The following CTNNA3 variants were observed in gnomAD, a reference collection of about 807,000 sequenced individuals.
The protein encoded by CTNNA3 is catenin alpha 3, also known as catenin alpha-3.
CTNNA3 carries 76 observed loss-of-function variants against 95.7 expected under a neutral mutation model. That is an observed-to-expected ratio of 0.79 (90% CI 0.66 to 0.96). The LOEUF (loss-of-function observed/expected upper bound fraction) is 0.96. Ranked by LOEUF, CTNNA3 falls within the 40% of genes least tolerant of loss-of-function variation. CTNNA3 has a pLI of 0.00. For missense variants in CTNNA3, 1,191 were observed against 1,089.8 expected, an observed-to-expected ratio of 1.09 and a Z score of -1.31; for synonymous variants, 431 against 374.4, an observed-to-expected ratio of 1.15 and a Z score of -1.74.
intron 12 of CTNNA3, among the ~76,000 whole-genome samples, chr10:66,366,546 G>A (rs1210171973): frequency 3.9e-5 from 6 of 152,124 alleles, no homozygotes; most frequent in Admixed American, 2.0e-4. Context: ...GCTTGAGGAA[G>A]CTTGTTTGTC....
chr10:67,185,642 C>T (rs2132157197), intron 6 of CTNNA3, among the ~76,000 whole-genome samples: 1 of 152,198 alleles, frequency 6.6e-6, no homozygotes, highest in Non-Finnish European at 1.5e-5. Flanking sequence ...AGTCTTCCTC[C>T]TTATTTCATT....
At chr10:67,248,620 T>C (rs953921135) in intron 5 of CTNNA3, among the ~76,000 whole-genome samples, 2 of 151,852 alleles carry the variant, frequency 1.3e-5, no homozygotes, top group Admixed American at 1.3e-4. Context: ...AGAGACGGGG[T>C]TTCACCATGC....
intron 7 of CTNNA3, among the ~76,000 whole-genome samples, chr10:67,177,968 G>A (rs1862324185): frequency 6.6e-6 from 1 of 152,134 alleles, no homozygotes; most frequent in Non-Finnish European, 1.5e-5. Context: ...TTTTAGACAG[G>A]GGTCCCAGGC....
chr10:66,733,259 A>G (rs1038732883), intron 9 of CTNNA3, among the ~76,000 whole-genome samples: 1 of 152,078 alleles, frequency 6.6e-6, no homozygotes, highest in African/African-American at 2.4e-5. Context: ...TCATCTCTTT[A>G]ACTCTCTTGT....
chr10:67,099,275 T>A (rs1858194466), intron 7 of CTNNA3: 2 of 151,734 alleles, frequency 1.3e-5, no homozygotes, highest in Admixed American at 1.3e-4. Context: ...TTGACATAGG[T>A]TATTGTTTGA....
chr10:66,039,204 C>G (rs184098310), intron 15 of CTNNA3, among the ~76,000 whole-genome samples: 2 of 152,242 alleles, frequency 1.3e-5, no homozygotes, highest in African/African-American at 4.8e-5. Context: ...TGAAAGATAT[C>G]TACAAGGAGA....
At chr10:66,492,506 T>C (rs896446449) in intron 11 of CTNNA3, among the ~76,000 whole-genome samples, 3 of 151,702 alleles carry the variant, frequency 2.0e-5, no homozygotes, top group Admixed American at 6.6e-5. Context: ...CAGGTCACCA[T>C]CTTCTTTGCT....
At chr10:66,812,489 G>T (rs1459916940) in intron 7 of CTNNA3, among the ~76,000 whole-genome samples, 1 of 152,118 alleles carries the variant, frequency 6.6e-6, no homozygotes, top group Non-Finnish European at 1.5e-5. Flanking sequence ...GGCTTAGGCT[G>T]TATAAGTTTG....
At chr10:66,946,398 T>C (rs1264153676) in intron 7 of CTNNA3, among the ~76,000 whole-genome samples, 2 of 152,308 alleles carry the variant, frequency 1.3e-5, no homozygotes, top group East Asian at 3.9e-4. Flanking sequence ...ACTTTTTTTG[T>C]TGGCATATAA....
intron 11 of CTNNA3, among the ~76,000 whole-genome samples, chr10:66,507,416 C>T (rs1451804074): frequency 2.0e-5 from 3 of 151,898 alleles, no homozygotes; most frequent in African/African-American, 7.3e-5. Flanking sequence ...ACTATATTCA[C>T]CCTACAGTGC....
chr10:67,544,841 G>A (rs1840790856), intron 3 of CTNNA3, among the ~76,000 whole-genome samples: 1 of 152,112 alleles, frequency 6.6e-6, no homozygotes, highest in African/African-American at 2.4e-5. Flanking sequence ...TTCTAACAAA[G>A]CAATTCAGAG....
intron 7 of CTNNA3, among the ~76,000 whole-genome samples, chr10:67,115,018 A>G (rs1859102057): frequency 2.0e-5 from 3 of 152,090 alleles, no homozygotes; most frequent in Non-Finnish European, 4.4e-5. Flanking sequence ...GTCTTGTCGT[A>G]TGCCATTTGT....
chr10:67,451,051 C>A (rs1462572780), intron 5 of CTNNA3, among the ~76,000 whole-genome samples: 1 of 151,952 alleles, frequency 6.6e-6, no homozygotes, highest in Non-Finnish European at 1.5e-5. Context: ...ATGAAGGCTC[C>A]ATCCTCATGA....
chr10:66,731,607 T>A (rs2132666770), intron 9 of CTNNA3, among the ~76,000 whole-genome samples: 1 of 152,318 alleles, frequency 6.6e-6, no homozygotes, highest in East Asian at 1.9e-4. Flanking sequence ...TATATGAATA[T>A]TGAGAAAACA....
intron 10 of CTNNA3, among the ~76,000 whole-genome samples, chr10:66,560,156 A>G (rs116740824): frequency 2.5e-3 from 385 of 152,238 alleles, no homozygotes; most frequent in African/African-American, 8.8e-3. Context: ...TCTACTTTTT[A>G]TTAAGCTGGT....
intron 7 of CTNNA3, among the ~76,000 whole-genome samples, chr10:67,080,706 G>A (rs1344091002): frequency 1.3e-5 from 2 of 151,854 alleles, no homozygotes; most frequent in African/African-American, 4.8e-5. Context: ...TCAGGAGATC[G>A]AGACCATCCT....
At chr10:66,493,903 C>CAAACTACAGTA (rs1840014125) in intron 11 of CTNNA3, among the ~76,000 whole-genome samples, 3 of 98,108 alleles carry the variant, frequency 3.1e-5, no homozygotes, top group African/African-American at 1.6e-4. Context: ...CTGCGCCGGC[C>CAAACTACAGTA]TTTTTTTTTT....
At chr10:66,877,373 G>C (rs796217181) in intron 7 of CTNNA3, among the ~76,000 whole-genome samples, 3 of 152,268 alleles carry the variant, frequency 2.0e-5, no homozygotes, top group African/African-American at 7.2e-5. Flanking sequence ...TTGCACAGCA[G>C]GCACATTGCT....
At chr10:66,332,975 A>T (rs1008505436) in intron 12 of CTNNA3, among the ~76,000 whole-genome samples, 1 of 151,946 alleles carries the variant, frequency 6.6e-6, no homozygotes, top group African/African-American at 2.4e-5. Flanking sequence ...TGTGTCTAGG[A>T]ATTTATCCAT....
Sources: gnomAD v4.1 joint callset for allele counts (sites outside exome capture counted in the v4.1 genomes callset) on GRCh38, gnomAD v4.1.1 for gene constraint, MANE v1.5 for transcripts, NCBI Gene and HGNC (gene_info 2026-07-23, HGNC 2026-07-21) for gene names.